AIG1: variants seen among roughly 807,000 people sequenced by gnomAD.
AIG1 encodes androgen induced 1.
In AIG1, 23 loss-of-function variants were observed where a neutral mutation model predicts 31.4. That is an observed-to-expected ratio of 0.73 (90% confidence interval 0.53 to 1.04). The LOEUF (loss-of-function observed/expected upper bound fraction) is 1.04, where lower values mean the gene tolerates loss of function less well. Among genes scored for constraint, AIG1 ranks in the 50% least tolerant of loss-of-function variants. AIG1 has a pLI of 0.00. For synonymous variants in AIG1, 100 were observed against 110.5 expected (o/e 0.90, Z 0.60); for missense variants, 274 against 295.0 (o/e 0.93, Z 0.52).
At chr6:143,073,561 A>G (rs1356498128) in intron 1 of AIG1, among the ~76,000 whole-genome samples, 1 of 152,184 alleles carries the variant, frequency 6.6e-6, no homozygotes, top group Non-Finnish European at 1.5e-5. Context: ...ACGTTTTGAT[A>G]ATAGCCATTC....
chr6:143,140,081 C>A (rs965025393), intron 2 of AIG1, among the ~76,000 whole-genome samples: 3 of 152,106 alleles, frequency 2.0e-5, no homozygotes, highest in Non-Finnish European at 4.4e-5. Flanking sequence ...ATGGGGGAAG[C>A]CAAAGGAGGA....
rs1776994215 is a variant in AIG1, at chr6:143,330,554, GA to G, written c.516-2724del. 6.6e-6 allele frequency among the ~76,000 whole-genome samples: 1 copy of G among 152,056 alleles called. No individual in the cohort carries two copies. ...GGGAGAATAACAGGAGATTAAATCAGAAAAGTGCGGGGTAGGGCCTTGAAGA... is the reference window on the plus strand; with the variant it reads ...GGGAGAATAACAGGAGATTAAATCAGAAAGTGCGGGGTAGGGCCTTGAAGA... On this transcript the variant is annotated intron_variant, in intron 4 of 5. Coordinates refer to ENST00000357847, the MANE Select transcript of AIG1 (RefSeq NM_016108.4). This position sits in a 1 kb window ranked among gnomAD's most constrained non-coding sequence, Gnocchi z 4.4.
intron 2 of AIG1, among the ~76,000 whole-genome samples, chr6:143,159,792 C>A (rs1786161027): frequency 6.6e-6 from 1 of 152,168 alleles, no homozygotes; most frequent in Non-Finnish European, 1.5e-5. Context: ...GACATTCACT[C>A]TTTGCATGGG....
chr6:143,081,404 G>T (rs113878739), intron 1 of AIG1, among the ~76,000 whole-genome samples: 1,892 of 151,588 alleles, frequency 0.012, 31 homozygotes, highest in African/African-American at 0.037. Context: ...TTACCTCTTG[G>T]GCCTTTTCTG....
intron 3 of AIG1, among the ~76,000 whole-genome samples, chr6:143,235,669 G>A (rs561717929): frequency 1.3e-5 from 2 of 152,218 alleles, no homozygotes; most frequent in African/African-American, 4.8e-5. Context: ...CTATAACAAA[G>A]ATAAATAAAC....
At chr6:143,342,551 A>C, downstream of AIG1, 1 of 868,634 alleles carries the variant, frequency 1.2e-6, no homozygotes, top group South Asian at 1.3e-5. Context: ...TAAAACCTTT[A>C]TTTTTTTACT....
intron 3 of AIG1, among the ~76,000 whole-genome samples, chr6:143,247,512 C>T (rs1399347027): frequency 2.6e-5 from 4 of 152,206 alleles, no homozygotes; most frequent in Non-Finnish European, 5.9e-5. Context: ...CGTCATAAAT[C>T]ACTGTTAGAC....
intron 4 of AIG1, among the ~76,000 whole-genome samples, chr6:143,303,407 G>T (rs1312824794): frequency 1.3e-5 from 2 of 151,934 alleles, no homozygotes; most frequent in Non-Finnish European, 2.9e-5. Context: ...TTTGTATAAG[G>T]TGTAAGGAAG....
intron 3 of AIG1, among the ~76,000 whole-genome samples, chr6:143,244,743 A>C (rs1207608216): frequency 2.0e-5 from 3 of 152,198 alleles, no homozygotes; most frequent in Non-Finnish European, 4.4e-5. Context: ...AAATCTTGGG[A>C]TCTCAGTGTC....
At chr6:143,143,378 G>A (rs925058576) in intron 2 of AIG1, among the ~76,000 whole-genome samples, 1 of 148,984 alleles carries the variant, frequency 6.7e-6, no homozygotes, top group Non-Finnish European at 1.5e-5. Flanking sequence ...GCGGGTGCCT[G>A]TAGTCCTAGC....
In AIG1 at chr6:143,326,532, C is replaced by T. The variant is rs1776627628; in HGVS notation, c.516-6750C>T. Reference sequence around the variant, plus strand: ...ATAAACAGTCCCTCACCCCACCGAACTTACACTGTAGAGGGGGAGAAACAT... The same window carrying T: ...ATAAACAGTCCCTCACCCCACCGAATTTACACTGTAGAGGGGGAGAAACAT... On this transcript the variant is annotated intron_variant, in intron 4 of 5. Transcript: ENST00000357847. The surrounding 1 kb of genome is among the most constrained non-coding windows in gnomAD (Gnocchi z 4.5). Among the ~76,000 whole-genome samples, 1 of 152,052 alleles carries T rather than the reference C, an allele frequency of 6.6e-6. No homozygotes were observed. Among genetic ancestry groups the T allele is most frequent in the Admixed American group, 6.5e-5 (1 of 15,268 alleles).
intron 3 of AIG1, among the ~76,000 whole-genome samples, chr6:143,259,700 G>A (rs369721835): frequency 4.6e-5 from 7 of 152,248 alleles, no homozygotes; most frequent in African/African-American, 1.7e-4. Flanking sequence ...CCCAAACTTA[G>A]TTCACTGCTA....
At chr6:143,184,296 G>A (rs1789018281) in intron 3 of AIG1, among the ~76,000 whole-genome samples, 1 of 152,104 alleles carries the variant, frequency 6.6e-6, no homozygotes. Context: ...AGTCCCCTGT[G>A]TTCCCCTCAT....
intron 3 of AIG1, among the ~76,000 whole-genome samples, chr6:143,283,466 T>A (rs1797483013): frequency 6.6e-6 from 1 of 152,208 alleles, no homozygotes; most frequent in Non-Finnish European, 1.5e-5. Flanking sequence ...CCTTTGACAA[T>A]AAAAACATAA....
At chr6:143,106,433 A>G (rs946296393) in intron 1 of AIG1, among the ~76,000 whole-genome samples, 1 of 152,210 alleles carries the variant, frequency 6.6e-6, no homozygotes, top group Non-Finnish European at 1.5e-5. Context: ...TAGCAGACAA[A>G]TGCATGGTTA....
In AIG1 at chr6:143,329,442, C is replaced by T. The variant is rs750167709; in HGVS notation, c.516-3840C>T. Among the ~76,000 whole-genome samples the T allele has an allele frequency of 1.3e-5, 2 of 152,178 alleles. No individual in the cohort carries two copies. The highest frequency in any genetic ancestry group is 4.8e-5 in the African/African-American group (2 of 41,448). ...AGAAGAGCTGTCTGCTTCTCTGCCT[C>T]GTAGGTTGCAAACCTGAGAATTTCA... On this transcript the variant is annotated intron_variant, in intron 4 of 5. Transcript: ENST00000357847. This position sits in a 1 kb window ranked among gnomAD's most constrained non-coding sequence, Gnocchi z 4.9.
At chr6:143,139,048 C>T (rs985615818) in intron 2 of AIG1, among the ~76,000 whole-genome samples, 6 of 152,082 alleles carry the variant, frequency 3.9e-5, no homozygotes, top group Admixed American at 3.9e-4. Context: ...GGCATATGCC[C>T]TTTAGACATT....
intron 1 of AIG1, among the ~76,000 whole-genome samples, chr6:143,090,116 G>T (rs1300468649): frequency 6.6e-6 from 1 of 152,182 alleles, no homozygotes; most frequent in Non-Finnish European, 1.5e-5. Flanking sequence ...GTTTAGAAAG[G>T]ATAGAGAGTT....
chr6:143,332,593 T>G (rs1162455418), intron 4 of AIG1, among the ~76,000 whole-genome samples: 1 of 152,206 alleles, frequency 6.6e-6, no homozygotes, highest in Admixed American at 6.5e-5. Context: ...TGTCAGCATA[T>G]GGCATGAGTG....
Sources: gnomAD v4.1 joint callset for allele counts (sites outside exome capture counted in the v4.1 genomes callset) on GRCh38, gnomAD v4.1.1 for gene constraint, Gnocchi (gnomAD v3.1) non-coding constraint, MANE v1.5 for transcripts, NCBI Gene and HGNC (gene_info 2026-07-23, HGNC 2026-07-21) for gene names.